EPHA3: variants seen among roughly 807,000 people sequenced by gnomAD.
The protein encoded by EPHA3 is ephrin type-A receptor 3.
EPHA3 carries 42 observed loss-of-function variants against 107.1 expected under a neutral mutation model. The observed-to-expected ratio is 0.39, with a 90% CI of 0.31 to 0.51. EPHA3 has a LOEUF of 0.51. EPHA3 is among the 20% of genes least tolerant of loss of function. The pLI is 0.78. For missense variants in EPHA3, 1,183 were observed against 1,211.2 expected (o/e 0.98, Z 0.35); for synonymous variants, 461 against 424.8 (o/e 1.09, Z -1.05).
Position 89,395,904 on chromosome 3 carries a change from A to G in EPHA3, c.1374A>G (p.Gln458=). 1 of 1,614,088 alleles carries G rather than the reference A, an allele frequency of 6.2e-7. No individual in the cohort carries two copies. ...TSRNSISLSW[Q]EPEHPNGIIL... The stretch of plus-strand genomic sequence containing the variant: ...GAAATAGCATCTCTTTGTCCTGGCA[A>G]GAACCTGAACATCCTAATGGGATCA... The change falls in exon 6 of 17, where the codon CAA becomes CAG. Residue 458 remains glutamine (Q), a synonymous_variant. Coordinates refer to ENST00000336596, the MANE Select transcript of EPHA3 (RefSeq NM_005233.6).
intron 3 of EPHA3, among the ~76,000 whole-genome samples, chr3:89,238,781 C>T (rs927043702): frequency 6.6e-6 from 1 of 152,030 alleles, no homozygotes; most frequent in African/African-American, 2.4e-5. Flanking sequence ...ACTTTAAATG[C>T]CAAATACTTG....
chr3:89,270,124 A>T (rs1705632957), intron 3 of EPHA3, among the ~76,000 whole-genome samples: 1 of 152,028 alleles, frequency 6.6e-6, no homozygotes, highest in Admixed American at 6.6e-5. Context: ...CAATTTTATT[A>T]TTTATAAGAT....
intron 3 of EPHA3, among the ~76,000 whole-genome samples, chr3:89,306,842 A>G (rs570885433): frequency 6.6e-6 from 1 of 152,314 alleles, no homozygotes; most frequent in African/African-American, 2.4e-5. Context: ...CTTGCCAACT[A>G]TGAAGTTGGT....
At chr3:89,425,172 T>C (rs905014999) in intron 11 of EPHA3, among the ~76,000 whole-genome samples, 2 of 151,246 alleles carry the variant, frequency 1.3e-5, no homozygotes, top group African/African-American at 2.4e-5. Context: ...TGGAAGACGT[T>C]GCCCTGTAAT....
chr3:89,407,904 C>T (rs1335505556), intron 8 of EPHA3, among the ~76,000 whole-genome samples, 163 bp from the exon 9 acceptor site: 1 of 152,152 alleles, frequency 6.6e-6, no homozygotes, highest in African/African-American at 2.4e-5. Flanking sequence ...GAGAGAGGGG[C>T]TTTCTTCAGA....
chr3:89,255,621 C>T (rs1296658823), intron 3 of EPHA3, among the ~76,000 whole-genome samples: 2 of 152,088 alleles, frequency 1.3e-5, no homozygotes, highest in South Asian at 2.1e-4. Flanking sequence ...CATGGTCTGA[C>T]TGGGTGAGGT....
At chr3:89,383,511 G>A (rs189226503) in intron 5 of EPHA3, among the ~76,000 whole-genome samples, 1 of 151,978 alleles carries the variant, frequency 6.6e-6, no homozygotes, top group Admixed American at 6.6e-5. Context: ...CCCTGTGCTG[G>A]AACTGCCCTG....
chr3:89,410,114 C>T (rs1333390113), intron 9 of EPHA3, among the ~76,000 whole-genome samples: 3 of 151,852 alleles, frequency 2.0e-5, no homozygotes, highest in Non-Finnish European at 4.4e-5. Flanking sequence ...AGATCAGCAG[C>T]CAGTGCTTCT....
In EPHA3 at chr3:89,362,144, G is replaced by T. The variant is rs77127910; in HGVS notation, c.1306+20054G>T. Among the ~76,000 whole-genome samples the T allele has an allele frequency of 2.4e-3, 369 of 151,022 alleles. 8 individuals are homozygous for T. The highest frequency in any genetic ancestry group is 8.4e-3 in the African/African-American group (347 of 41,426). On this transcript the variant is annotated intron_variant, in intron 5 of 16. Coordinates refer to ENST00000336596, the MANE Select transcript of EPHA3 (RefSeq NM_005233.6). ...TGTTTCGTTTTAAATAAGTGTGATG[G>T]TCCATCTCATCTTCTTCAAGCGCAA... is the stretch of plus-strand genomic sequence containing the variant.
intron 3 of EPHA3, among the ~76,000 whole-genome samples, chr3:89,221,036 G>C (rs951106897): frequency 6.6e-6 from 1 of 152,148 alleles, no homozygotes; most frequent in Admixed American, 6.5e-5. Flanking sequence ...TTAGTAAGTG[G>C]TTCAACTGGA....
Position 89,479,852 on chromosome 3 carries a change from C to T in EPHA3, c.*350C>T, listed in dbSNP as rs533120211. 2 of 252,828 alleles carry T rather than the reference C, an allele frequency of 7.9e-6. No individual in the cohort carries two copies. Among genetic ancestry groups the T allele is most frequent in the South Asian group, 2.8e-4 (2 of 7,146 alleles). The allele number at this position is 252,828 out of a possible 1,614,324, so 15.7% of individuals were successfully genotyped here. The stretch of plus-strand genomic sequence containing the variant: ...TGAAATAACAAAATGGACATGGTGG[C>T]TTTGTTTAGGTAGAGCCACAAAAGA... On this transcript the variant is annotated 3_prime_UTR_variant, in exon 17 of 17. Coordinates refer to ENST00000336596, the MANE Select transcript of EPHA3 (RefSeq NM_005233.6).
At chr3:89,460,782 G>A (rs1485859739) in intron 15 of EPHA3, among the ~76,000 whole-genome samples, 85 of 143,346 alleles carry the variant, frequency 5.9e-4, no homozygotes, top group African/African-American at 2.0e-3. Context: ...CTTTTAGAGG[G>A]AATCGAATAT....
intron 11 of EPHA3, among the ~76,000 whole-genome samples, chr3:89,426,840 G>T (rs1709467022): frequency 6.6e-6 from 1 of 151,810 alleles, no homozygotes; most frequent in Non-Finnish European, 1.5e-5. Flanking sequence ...GAAACTGATG[G>T]TGATTTATAG....
chr3:89,389,728 G>A (rs1356499077), intron 5 of EPHA3, among the ~76,000 whole-genome samples: 1 of 152,190 alleles, frequency 6.6e-6, no homozygotes, highest in Non-Finnish European at 1.5e-5. Flanking sequence ...ACCAGATCTG[G>A]CAGACACATG....
At chr3:89,160,255 T>C (rs1386004274) in intron 2 of EPHA3, among the ~76,000 whole-genome samples, 1 of 151,996 alleles carries the variant, frequency 6.6e-6, no homozygotes, top group Non-Finnish European at 1.5e-5. Context: ...AACAAACATA[T>C]AATAAATACA....
chr3:89,143,260 G>A (rs1235500222), intron 2 of EPHA3, among the ~76,000 whole-genome samples: 2 of 151,338 alleles, frequency 1.3e-5, no homozygotes, highest in African/African-American at 4.8e-5. Context: ...TGGTCTATAA[G>A]CAATAATTCA....
At chr3:89,419,088 G>T (rs558166726) in intron 10 of EPHA3, 117 bp from the exon 11 acceptor site, 1 of 1,033,350 alleles carries the variant, frequency 9.7e-7, no homozygotes, top group African/African-American at 1.6e-5. Context: ...TGTACATCTT[G>T]CAGGTCAAAG....
At chr3:89,380,072 A>AT (rs994791416) in intron 5 of EPHA3, among the ~76,000 whole-genome samples, 1 of 151,958 alleles carries the variant, frequency 6.6e-6, no homozygotes, top group African/African-American at 2.4e-5. Context: ...GTTAAGCAAT[A>AT]TTTTTTTTCT....
chr3:89,203,681 G>T (rs1706030486), intron 2 of EPHA3, among the ~76,000 whole-genome samples: 1 of 152,078 alleles, frequency 6.6e-6, no homozygotes, highest in South Asian at 2.1e-4. Flanking sequence ...GGAGGCTGAG[G>T]CAGGAGAATG....
Sources: gnomAD v4.1 joint callset for allele counts (sites outside exome capture counted in the v4.1 genomes callset) on GRCh38, gnomAD v4.1.1 for gene constraint, MANE v1.5 for transcripts, NCBI Gene and HGNC (gene_info 2026-07-23, HGNC 2026-07-21) for gene names.